MTPN: variants seen among roughly 807,000 people sequenced by gnomAD.
MTPN encodes granule cell differentiation protein.
In MTPN, 2 loss-of-function variants were observed where a neutral mutation model predicts 13.5. That is an observed-to-expected ratio of 0.15 (90% CI 0.06 to 0.47). MTPN has a LOEUF of 0.47. MTPN is among the 20% of genes least tolerant of loss of function. MTPN has a pLI of 0.97. For missense variants in MTPN, 79 were observed against 137.9 expected (o/e 0.57, Z 2.14); for synonymous variants, 46 against 51.7 (o/e 0.89, Z 0.48).
intron 1 of MTPN, 94 bp downstream of exon 1, chr7:135,976,935 A>AAC: frequency 1.3e-5 from 3 of 239,440 alleles, no homozygotes; most frequent in Non-Finnish European, 1.8e-5. Flanking sequence ...CCTCCCGCCC[A>AAC]CCCCCATCCC....
intron 3 of MTPN, among the ~76,000 whole-genome samples, chr7:135,936,206 C>T (rs1458654010): frequency 5.3e-5 from 8 of 152,170 alleles, no homozygotes; most frequent in Non-Finnish European, 1.0e-4. Flanking sequence ...TGATACAGGC[C>T]GGGCACAGTG....
At chr7:135,970,567 G>C (rs1037556879) in intron 1 of MTPN, among the ~76,000 whole-genome samples, 1 of 151,980 alleles carries the variant, frequency 6.6e-6, no homozygotes, top group Non-Finnish European at 1.5e-5. Context: ...ATTCAATACA[G>C]CTTTGCTTTT....
intron 1 of MTPN, among the ~76,000 whole-genome samples, chr7:135,953,511 T>C (rs1362861507): frequency 6.6e-6 from 1 of 152,228 alleles, no homozygotes; most frequent in Non-Finnish European, 1.5e-5. Context: ...TTAAACTACA[T>C]GATCCATGTA....
intron 1 of MTPN, among the ~76,000 whole-genome samples, chr7:135,973,864 C>T (rs1276926409): frequency 6.6e-6 from 1 of 152,072 alleles, no homozygotes; most frequent in Admixed American, 6.5e-5. Flanking sequence ...CCCAGGACTA[C>T]TAAAGAGTTT....
chr7:135,956,797 C>T (rs529631372), intron 1 of MTPN, among the ~76,000 whole-genome samples: 2 of 152,206 alleles, frequency 1.3e-5, no homozygotes, highest in Non-Finnish European at 2.9e-5. Flanking sequence ...CCATTCACAG[C>T]TCTTCCACTA....
At chr7:135,955,442 C>T (rs529082992) in intron 1 of MTPN, among the ~76,000 whole-genome samples, 2 of 152,220 alleles carry the variant, frequency 1.3e-5, no homozygotes, top group Non-Finnish European at 2.9e-5. Context: ...CAGATTACCT[C>T]CCCACAAAGA....
chr7:135,963,334 C>T (rs1367284238), intron 1 of MTPN, among the ~76,000 whole-genome samples: 9 of 151,878 alleles, frequency 5.9e-5, no homozygotes, highest in Non-Finnish European at 8.8e-5. Flanking sequence ...GTTGAAAGTC[C>T]TTATTTAGGA....
At chr7:135,972,610 G>C (rs976297814) in intron 1 of MTPN, among the ~76,000 whole-genome samples, 1 of 152,090 alleles carries the variant, frequency 6.6e-6, no homozygotes, top group Non-Finnish European at 1.5e-5. Flanking sequence ...ACAGAAAGAT[G>C]AAAAAGAATA....
rs1298656205 is a variant in MTPN, at chr7:135,928,842, C to T, written c.*1084G>A. 1 of 167,040 alleles carries T rather than the reference C, an allele frequency of 6.0e-6. No homozygotes were observed. Among genetic ancestry groups the T allele is most frequent in the Non-Finnish European group, 1.5e-5 (1 of 68,114 alleles). 10.3% of individuals were successfully genotyped at this position (167,040 alleles called of 1,614,324 possible). On this transcript the variant is annotated 3_prime_UTR_variant, in exon 4 of 4. Transcript: ENST00000393085. ...ATGTTCAGCAGAAGCCTATCAACAACTCTGGGAAACCTGGTTACAAGTGTA... is the reference window on the plus strand; with the variant it reads ...ATGTTCAGCAGAAGCCTATCAACAATTCTGGGAAACCTGGTTACAAGTGTA...
intron 1 of MTPN, among the ~76,000 whole-genome samples, chr7:135,954,817 C>G (rs1383807815): frequency 2.0e-5 from 3 of 152,142 alleles, no homozygotes; most frequent in Non-Finnish European, 2.9e-5. Flanking sequence ...GTGGTGGGCA[C>G]CTGTAGTCCC....
chr7:135,955,998 T>A (rs1799438758), intron 1 of MTPN, among the ~76,000 whole-genome samples: 1 of 152,214 alleles, frequency 6.6e-6, no homozygotes, highest in African/African-American at 2.4e-5. Flanking sequence ...AAGACAAGGA[T>A]GTCTGTTCTT....
At chr7:135,933,196 T>TTAA (rs1440120597) in intron 3 of MTPN, among the ~76,000 whole-genome samples, 2 of 152,122 alleles carry the variant, frequency 1.3e-5, no homozygotes, top group Non-Finnish European at 2.9e-5. Flanking sequence ...AAACCATTTT[T>TTAA]TAATTGTTTT....
At chr7:135,944,515 A>G (rs1489694824) in intron 3 of MTPN, among the ~76,000 whole-genome samples, 1 of 152,020 alleles carries the variant, frequency 6.6e-6, no homozygotes, top group African/African-American at 2.4e-5. Context: ...CGTCTCTACT[A>G]AAAATATAAA....
intron 3 of MTPN, 74 bp from the exon 4 acceptor site, chr7:135,930,086 G>T: frequency 7.8e-7 from 1 of 1,281,240 alleles, no homozygotes; most frequent in Non-Finnish European, 1.1e-6. Context: ...AGCTCACATG[G>T]CACAGGTTAA....
intron 1 of MTPN, among the ~76,000 whole-genome samples, chr7:135,963,774 C>T (rs564509118): frequency 9.6e-4 from 146 of 152,094 alleles, no homozygotes; most frequent in Middle Eastern, 3.4e-3. Flanking sequence ...TACTTGGAAT[C>T]TTCAACTTAG....
intron 1 of MTPN, among the ~76,000 whole-genome samples, chr7:135,952,160 C>T (rs975763761): frequency 4.6e-5 from 7 of 152,178 alleles, no homozygotes; most frequent in African/African-American, 1.7e-4. Context: ...TCAGCAAAAT[C>T]AGACATGACT....
intron 1 of MTPN, among the ~76,000 whole-genome samples, chr7:135,960,464 G>A (rs1171173033): frequency 1.3e-5 from 2 of 151,858 alleles, no homozygotes; most frequent in Non-Finnish European, 2.9e-5. Context: ...TTTTAAGTGT[G>A]GTCAGAGGCA....
chr7:135,952,611 C>T (rs544821932), intron 1 of MTPN, among the ~76,000 whole-genome samples: 7 of 152,280 alleles, frequency 4.6e-5, no homozygotes, highest in South Asian at 2.1e-4. Flanking sequence ...GTTTCTAATT[C>T]GCTATTTGCC....
chr7:135,951,890 G>T (rs934064308), intron 1 of MTPN, among the ~76,000 whole-genome samples: 3 of 152,098 alleles, frequency 2.0e-5, no homozygotes, highest in Non-Finnish European at 4.4e-5. Flanking sequence ...ATACATTACT[G>T]TCCTCCATTT....
Sources: allele counts gnomAD v4.1 joint callset (sites outside exome capture counted in the v4.1 genomes callset), GRCh38; gene constraint gnomAD v4.1.1; transcripts MANE v1.5; gene names NCBI Gene and HGNC (gene_info 2026-07-23, HGNC 2026-07-21).